Variants in KCNN2 observed in about 807,000 individuals in gnomAD.
KCNN2 encodes the protein potassium calcium-activated channel subfamily N member 2.
Under a neutral mutation model 55.5 loss-of-function variants are expected in KCNN2, and 24 were observed. That is an observed-to-expected ratio of 0.43 (90% CI 0.31 to 0.61). The LOEUF (loss-of-function observed/expected upper bound fraction) is 0.61. KCNN2 is among the 20% of genes least tolerant of loss of function. The pLI, the probability that KCNN2 is intolerant of heterozygous loss-of-function variation, is 0.08. For synonymous variants in KCNN2, 431 were observed against 336.1 expected (o/e 1.28, Z -3.09); for missense variants, 754 against 853.6 (o/e 0.88, Z 1.45).
intron 2 of KCNN2, among the ~76,000 whole-genome samples, chr5:114,303,760 A>G (rs567874385): frequency 7.9e-5 from 12 of 152,326 alleles, no homozygotes; most frequent in Non-Finnish European, 1.6e-4. Context: ...GCAAGACAAT[A>G]GAAATTAGGG....
intron 2 of KCNN2, among the ~76,000 whole-genome samples, chr5:114,328,832 C>T (rs1363839329): frequency 6.6e-6 from 1 of 152,204 alleles, no homozygotes; most frequent in African/African-American, 2.4e-5. Context: ...TCCTTCTGAT[C>T]ATTGCTCTTC....
At chr5:114,098,202 C>G (rs796388648) in intron 1 of KCNN2, among the ~76,000 whole-genome samples, 2 of 152,174 alleles carry the variant, frequency 1.3e-5, no homozygotes, top group African/African-American at 4.8e-5. Context: ...TTTGATCTAC[C>G]TGGATAATCT....
intron 1 of KCNN2, among the ~76,000 whole-genome samples, chr5:114,125,313 C>T (rs1449862582): frequency 6.6e-6 from 1 of 152,160 alleles, no homozygotes; most frequent in Non-Finnish European, 1.5e-5. Context: ...GGACTACTTT[C>T]CCACTGTAGT....
At chr5:114,280,812 G>A (rs1025543300) in intron 2 of KCNN2, among the ~76,000 whole-genome samples, 23 of 152,020 alleles carry the variant, frequency 1.5e-4, no homozygotes, top group Non-Finnish European at 3.1e-4. Flanking sequence ...CTTTCCAGGG[G>A]GTTATAATCA....
At chr5:114,389,610 C>A (rs1201486137) in intron 2 of KCNN2, among the ~76,000 whole-genome samples, 1 of 152,134 alleles carries the variant, frequency 6.6e-6, no homozygotes, top group Non-Finnish European at 1.5e-5. Flanking sequence ...AAACAGCTTT[C>A]AAGTTTCATC....
chr5:114,381,862 G>A (rs1561597918), intron 2 of KCNN2, among the ~76,000 whole-genome samples: 1 of 152,184 alleles, frequency 6.6e-6, no homozygotes, highest in Non-Finnish European at 1.5e-5. Flanking sequence ...GCCATCCAGT[G>A]TTGCTGTGGG....
intron 3 of KCNN2, among the ~76,000 whole-genome samples, chr5:114,408,393 A>T (rs1759007818): frequency 6.6e-6 from 1 of 152,076 alleles, no homozygotes; most frequent in Non-Finnish European, 1.5e-5. Context: ...CTAGTTTTTA[A>T]TATCATGTCT....
chr5:114,296,921 T>C lies in KCNN2; in HGVS notation c.-184-64024T>C, dbSNP rs539362270. Among the ~76,000 whole-genome samples the C allele has an allele frequency of 6.0e-4, 91 of 152,352 alleles. 1 individual carries two copies. Among genetic ancestry groups the C allele is most frequent in the African/African-American group, 2.1e-3 (89 of 41,592 alleles). Reference sequence around the variant, plus strand: ...AAACAAAGCAAACATTTAGTCATAATTCTATTTATATGCAGCCTTGGCAGG... The same window carrying C: ...AAACAAAGCAAACATTTAGTCATAACTCTATTTATATGCAGCCTTGGCAGG... On this transcript the variant is annotated intron_variant, in intron 2 of 10. Transcript: ENST00000512097.
chr5:114,318,534 T>C (rs964624504), intron 2 of KCNN2, among the ~76,000 whole-genome samples: 8 of 151,818 alleles, frequency 5.3e-5, no homozygotes, highest in Non-Finnish European at 1.2e-4. Context: ...TACCACTATA[T>C]ATAATCATAC....
chr5:114,381,087 T>C (rs1359561860), intron 2 of KCNN2, among the ~76,000 whole-genome samples: 1 of 152,166 alleles, frequency 6.6e-6, no homozygotes, highest in East Asian at 1.9e-4. Flanking sequence ...TAATTAAGAA[T>C]GTGGATAAAA....
chr5:114,258,176 C>T (rs1177093208), intron 2 of KCNN2, among the ~76,000 whole-genome samples: 1 of 152,128 alleles, frequency 6.6e-6, no homozygotes, highest in Admixed American at 6.6e-5. Context: ...ACCATCTTCG[C>T]ATCCCTGGAA....
chr5:114,234,596 G>A (rs7708130), intron 2 of KCNN2, among the ~76,000 whole-genome samples: 124,242 of 152,204 alleles, frequency 0.82, 50,851 homozygotes, highest in East Asian at 0.89. Flanking sequence ...TGTTTGGAAG[G>A]ACATTGTTCC....
intron 3 of KCNN2, among the ~76,000 whole-genome samples, chr5:114,427,783 G>A (rs904730832): frequency 3.9e-5 from 6 of 152,208 alleles, no homozygotes; most frequent in East Asian, 3.8e-4. Context: ...ATGACCCATA[G>A]ACCTTTGGAA....
chr5:114,329,585 C>G (rs1756772042), intron 2 of KCNN2, among the ~76,000 whole-genome samples: 1 of 152,164 alleles, frequency 6.6e-6, no homozygotes, highest in Non-Finnish European at 1.5e-5. Context: ...GAAAGGTGCA[C>G]TGTTGGCTTC....
At chr5:114,092,900 G>T (rs1751174203) in intron 1 of KCNN2, among the ~76,000 whole-genome samples, 1 of 152,138 alleles carries the variant, frequency 6.6e-6, no homozygotes. Context: ...GGGCCTCCAG[G>T]CTTGTGATTG....
At chr5:114,454,478 T>C (rs1228515984) in intron 3 of KCNN2, among the ~76,000 whole-genome samples, 2 of 152,198 alleles carry the variant, frequency 1.3e-5, no homozygotes, top group African/African-American at 2.4e-5. Context: ...GAATTCTTGA[T>C]ATTATTAATA....
At chr5:114,428,460 C>G (rs1463628685) in intron 3 of KCNN2, among the ~76,000 whole-genome samples, 1 of 151,898 alleles carries the variant, frequency 6.6e-6, no homozygotes, top group Non-Finnish European at 1.5e-5. Context: ...GTTTTGAACT[C>G]TTTAGAAAAA....
chr5:114,391,340 G>A (rs1758446483), intron 2 of KCNN2, among the ~76,000 whole-genome samples: 1 of 151,956 alleles, frequency 6.6e-6, no homozygotes, highest in Admixed American at 6.6e-5. Flanking sequence ...CAGCAGAGTG[G>A]GTGTTAATGC....
At chr5:114,197,277 G>A (rs762232482) in intron 1 of KCNN2, among the ~76,000 whole-genome samples, 2 of 152,096 alleles carry the variant, frequency 1.3e-5, no homozygotes, top group African/African-American at 2.4e-5. Flanking sequence ...TGTTCCTTGT[G>A]TGCTTGAGAA....
Sources: gnomAD v4.1 joint callset for allele counts (sites outside exome capture counted in the v4.1 genomes callset) on GRCh38, gnomAD v4.1.1 for gene constraint, MANE v1.5 for transcripts, NCBI Gene and HGNC (gene_info 2026-07-23, HGNC 2026-07-21) for gene names.